USO1: variants seen among roughly 807,000 people sequenced by gnomAD.
USO1 encodes general vesicular transport factor p115.
In USO1, 57 loss-of-function variants were observed where a neutral mutation model predicts 124.5. That is an observed-to-expected ratio of 0.46 (90% CI 0.37 to 0.57). The LOEUF (loss-of-function observed/expected upper bound fraction) is 0.57, where lower values mean the gene tolerates loss of function less well. USO1 is among the 20% of genes least tolerant of loss of function. The pLI, the probability that USO1 is intolerant of heterozygous loss-of-function variation, is 0.00. For synonymous variants in USO1, 369 were observed against 362.8 expected (o/e 1.02, Z -0.19); for missense variants, 900 against 1,040.6 (o/e 0.86, Z 1.86).
intron 13 of USO1, among the ~76,000 whole-genome samples, chr4:75,794,394 GC>G (rs1722622239): frequency 6.6e-6 from 1 of 152,102 alleles, no homozygotes; most frequent in South Asian, 2.1e-4. Context: ...AGTCCCCGGT[GC>G]ATATAATTTA....
At chr4:75,778,242 A>G (rs1329743120) in intron 8 of USO1, among the ~76,000 whole-genome samples, 1 of 152,218 alleles carries the variant, frequency 6.6e-6, no homozygotes, top group Non-Finnish European at 1.5e-5. Context: ...TACCAATAAC[A>G]TAAGCAGTGG....
At chr4:75,725,159 G>A (rs1372509185) in intron 1 of USO1, among the ~76,000 whole-genome samples, 1 of 152,214 alleles carries the variant, frequency 6.6e-6, no homozygotes, top group Non-Finnish European at 1.5e-5. Flanking sequence ...GTGGTCCGCA[G>A]GTGGTACCGC....
intron 1 of USO1, among the ~76,000 whole-genome samples, chr4:75,728,854 A>G (rs1577919414): frequency 6.6e-6 from 1 of 152,058 alleles, no homozygotes. Flanking sequence ...GCTGGAGTGC[A>G]GTGGCGCAAT....
intron 13 of USO1, among the ~76,000 whole-genome samples, chr4:75,797,646 T>C (rs1722727236): frequency 6.6e-6 from 1 of 151,320 alleles, no homozygotes; most frequent in Non-Finnish European, 1.5e-5. Context: ...TATTTTACAA[T>C]TATTATTTTT....
intron 4 of USO1, among the ~76,000 whole-genome samples, chr4:75,766,341 A>G (rs889256954): frequency 6.6e-6 from 1 of 152,204 alleles, no homozygotes; most frequent in Non-Finnish European, 1.5e-5. Context: ...TTGAAAACTT[A>G]GTAAATATAT....
At chr4:75,795,164 G>A (rs1240560254) in intron 13 of USO1, among the ~76,000 whole-genome samples, 1 of 152,080 alleles carries the variant, frequency 6.6e-6, no homozygotes, top group Non-Finnish European at 1.5e-5. Flanking sequence ...GCCTCTAAAT[G>A]TATCCTCTAA....
intron 4 of USO1, among the ~76,000 whole-genome samples, chr4:75,764,731 G>A (rs570722937): frequency 6.6e-6 from 1 of 152,204 alleles, no homozygotes; most frequent in Admixed American, 6.5e-5. Flanking sequence ...CAAGGGCATT[G>A]TCTATCTTGT....
intron 1 of USO1, among the ~76,000 whole-genome samples, chr4:75,730,600 A>G (rs571694692): frequency 2.3e-4 from 35 of 152,200 alleles, no homozygotes; most frequent in African/African-American, 6.7e-4. Context: ...TCTGATTAGG[A>G]AAGAATATTA....
Position 75,805,290 on chromosome 4 carries a change from T to TGATTGAAAAATGGATGAAAAAAG in USO1, c.2285_2286insATGGATGAAAAAAGGATTGAAAA (p.Asn762LysfsTer10). 1 of 1,601,834 alleles carries TGATTGAAAAATGGATGAAAAAAG rather than the reference T, an allele frequency of 6.2e-7. No homozygotes were observed. The highest frequency in any genetic ancestry group is 8.5e-7 in the Non-Finnish European group (1 of 1,175,712). ...AGCCAGCTGACTGAAAAGGACTCTA[T>TGATTGAAAAATGGATGAAAAAAG]GATTGAAAATATGGTAAAGTAAATG... On this transcript the variant is annotated frameshift_variant, in exon 19 of 24. Coordinates refer to ENST00000514213, the MANE Select transcript of USO1 (RefSeq NM_003715.4). LOFTEE classifies it high-confidence loss of function.
intron 3 of USO1, among the ~76,000 whole-genome samples, chr4:75,753,518 G>C (rs1013896427): frequency 2.1e-4 from 32 of 152,000 alleles, no homozygotes; most frequent in Admixed American, 8.5e-4. Context: ...CTGGGCAACA[G>C]AGCAAGACTC....
intron 1 of USO1, among the ~76,000 whole-genome samples, chr4:75,746,312 A>G (rs1356186617): frequency 6.6e-6 from 1 of 152,234 alleles, no homozygotes; most frequent in African/African-American, 2.4e-5. Flanking sequence ...GCTGCAAGGA[A>G]AGCCTGAAAA....
chr4:75,788,171 A>ATT (rs11291010), intron 10 of USO1, among the ~76,000 whole-genome samples: 11 of 123,254 alleles, frequency 8.9e-5, no homozygotes, highest in African/African-American at 3.0e-4. Context: ...TTATTTATTT[A>ATT]TTTTTTTTTT....
intron 4 of USO1, chr4:75,767,444 T>G: frequency 2.2e-6 from 1 of 447,948 alleles, no homozygotes. Context: ...GCTTTTTCTT[T>G]TAAAAGTTTG....
intron 1 of USO1, 42 bp downstream of exon 1, chr4:75,724,927 G>A: frequency 6.2e-7 from 1 of 1,608,928 alleles, no homozygotes; most frequent in South Asian, 1.1e-5. Context: ...AGGGGTCCGG[G>A]CAGGGACGGG....
At chr4:75,777,903 T>C (rs569077755) in intron 8 of USO1, among the ~76,000 whole-genome samples, 2 of 152,204 alleles carry the variant, frequency 1.3e-5, no homozygotes, top group Non-Finnish European at 2.9e-5. Flanking sequence ...ACACCTTTGT[T>C]CATAATTGCC....
At chr4:75,739,943 C>T (rs902086005) in intron 1 of USO1, among the ~76,000 whole-genome samples, 4 of 152,258 alleles carry the variant, frequency 2.6e-5, no homozygotes, top group South Asian at 4.1e-4. Flanking sequence ...ATGTTCCTTA[C>T]AGAGGTGATA....
intron 3 of USO1, among the ~76,000 whole-genome samples, chr4:75,754,441 A>G (rs1577938397): frequency 6.6e-6 from 1 of 152,270 alleles, no homozygotes; most frequent in Non-Finnish European, 1.5e-5. Context: ...CTGTGCATGG[A>G]TAGCTTCCAG....
intron 1 of USO1, chr4:75,729,938 G>A (rs570185276): frequency 1.5e-4 from 60 of 405,958 alleles, no homozygotes; most frequent in East Asian, 5.6e-4. Context: ...CATAGTTTTC[G>A]TTTAGTCAAG....
intron 4 of USO1, among the ~76,000 whole-genome samples, chr4:75,760,992 T>C (rs1972094): frequency 0.9 from 137,433 of 152,056 alleles, 62,273 homozygotes; most frequent in African/African-American, 0.98. Flanking sequence ...ACTAAAAATA[T>C]AAAAATTAGC....
Sources: allele counts gnomAD v4.1 joint callset (sites outside exome capture counted in the v4.1 genomes callset), GRCh38; gene constraint gnomAD v4.1.1; transcripts MANE v1.5; gene names NCBI Gene and HGNC (gene_info 2026-07-23, HGNC 2026-07-21).